Variants in AGAP1 observed in about 807,000 individuals in gnomAD.
AGAP1 encodes arf-GAP with GTPase, ANK repeat and PH domain-containing protein 1.
AGAP1 carries 29 observed loss-of-function variants against 105.3 expected under a neutral mutation model. The ratio of observed to expected loss-of-function variants is 0.28; its 90% CI spans 0.21 to 0.38. The LOEUF (loss-of-function observed/expected upper bound fraction) is 0.38, where lower values mean the gene tolerates loss of function less well. AGAP1 is among the 10% of genes least tolerant of loss of function. The pLI, the probability that AGAP1 is intolerant of heterozygous loss-of-function variation, is 1.00. For missense variants in AGAP1, 998 were observed against 1,165.1 expected (o/e 0.86, Z 2.09); for synonymous variants, 509 against 485.9 (o/e 1.05, Z -0.63).
At chr2:235,647,486 C>A (rs1056997440) in intron 1 of AGAP1, among the ~76,000 whole-genome samples, 1 of 152,116 alleles carries the variant, frequency 6.6e-6, no homozygotes, top group Non-Finnish European at 1.5e-5. Context: ...CTCCCAGGCT[C>A]AAGCGATCCT....
chr2:236,027,543 C>G lies in AGAP1; in HGVS notation c.1646-9018C>G, dbSNP rs934380387. The stretch of plus-strand genomic sequence containing the variant: ...GCCTCCCCCAGGGCAGACTGAGCCT[C>G]TCCCCTCCAGGTGTCCCAGATGTTT... On this transcript the variant is annotated intron_variant, in intron 13 of 17. Transcript: ENST00000304032. The surrounding 1 kb of genome is among the most constrained non-coding windows in gnomAD (Gnocchi z 4.4). 6.6e-6 allele frequency among the ~76,000 whole-genome samples: 1 copy of G among 152,178 alleles called. No homozygotes were observed. The highest frequency in any genetic ancestry group is 1.5e-5 in the Non-Finnish European group (1 of 68,036).
chr2:236,032,007 C>A (rs1426506861), intron 13 of AGAP1, among the ~76,000 whole-genome samples: 1 of 152,196 alleles, frequency 6.6e-6, no homozygotes, highest in Admixed American at 6.5e-5. Flanking sequence ...GAAGCAAAAT[C>A]TTCTCCCAAA....
intron 6 of AGAP1, among the ~76,000 whole-genome samples, chr2:235,766,054 C>T (rs1267474604): frequency 6.6e-6 from 1 of 152,166 alleles, no homozygotes; most frequent in Non-Finnish European, 1.5e-5. Context: ...CTTTTGGCTG[C>T]ACAGTTCGAT....
At chr2:235,704,908 A>G (rs537016340) in intron 1 of AGAP1, among the ~76,000 whole-genome samples, 4 of 145,566 alleles carry the variant, frequency 2.7e-5, no homozygotes, top group Admixed American at 6.9e-5. Context: ...GCACCTGTCT[A>G]GTTCTTGGGA....
In AGAP1 at chr2:236,014,060, C is replaced by G. The variant is rs1295412348; in HGVS notation, c.1646-22501C>G. Among the ~76,000 whole-genome samples the G allele has an allele frequency of 6.6e-6, 1 of 152,114 alleles. No homozygotes were observed. The highest frequency in any genetic ancestry group is 6.6e-5 in the Admixed American group (1 of 15,264). ...CACAGCCTGAGTGGTGGGCCTGCTG[C>G]GCCCTTGTTAAATTGGTTCTCTTCC... On this transcript the variant is annotated intron_variant, in intron 13 of 17. Coordinates refer to ENST00000304032, the MANE Select transcript of AGAP1 (RefSeq NM_001037131.3). This position sits in a 1 kb window ranked among gnomAD's most constrained non-coding sequence, Gnocchi z 6.3.
intron 15 of AGAP1, among the ~76,000 whole-genome samples, chr2:236,047,624 G>C (rs112464284): frequency 5.0e-5 from 5 of 100,722 alleles, no homozygotes; most frequent in Non-Finnish European, 7.0e-5. Flanking sequence ...TTTTTTTGAG[G>C]AGTCTCGTTC....
chr2:235,589,186 A>AT lies in AGAP1; in HGVS notation c.163+94339dup, dbSNP rs1559270688. 4.1e-3 allele frequency among the ~76,000 whole-genome samples: 145 copies of AT among 35,048 alleles called. 2 individuals carry two copies. The highest frequency in any genetic ancestry group is 7.0e-3 in the Non-Finnish European group (118 of 16,906). 23.0% of individuals were successfully genotyped at this position (35,048 alleles called of 152,430 possible). ...TTTGAGAACTACCAGTTAATAGCTT[A>AT]TTGTTTTGTTTTTTTTTTTTTTTTT... On this transcript the variant is annotated intron_variant, in intron 1 of 17. Transcript: ENST00000304032.
chr2:235,570,049 T>C lies in AGAP1; in HGVS notation c.163+75200T>C, dbSNP rs1122601. Among the ~76,000 whole-genome samples, 6 of 152,228 alleles carry C rather than the reference T, an allele frequency of 3.9e-5. 1 individual carries two copies. Among genetic ancestry groups the C allele is most frequent in the Admixed American group, 3.3e-4 (5 of 15,288 alleles). ...TTCTCTTTTTCTTTCCTTCTCTCTG[T>C]TTCTTTCAGTTTTGGTTTTTCTTTT... On this transcript the variant is annotated intron_variant, in intron 1 of 17. Transcript: ENST00000304032.
intron 9 of AGAP1, among the ~76,000 whole-genome samples, chr2:235,829,218 T>C (rs1385369717): frequency 6.6e-6 from 1 of 152,222 alleles, no homozygotes; most frequent in Non-Finnish European, 1.5e-5. Flanking sequence ...GCCCCTGGCC[T>C]TGTTGTTAGA....
At chr2:235,758,129 T>C (rs1954084895) in intron 6 of AGAP1, among the ~76,000 whole-genome samples, 1 of 151,042 alleles carries the variant, frequency 6.6e-6, no homozygotes, top group Non-Finnish European at 1.5e-5. Context: ...GGAACTAGTG[T>C]GTGTGTGCAT....
chr2:236,000,885 A>C lies in AGAP1; in HGVS notation c.1645+32262A>C, dbSNP rs1019819167. 2.0e-5 allele frequency among the ~76,000 whole-genome samples: 3 copies of C among 152,178 alleles called. No homozygotes were observed. Among genetic ancestry groups the C allele is most frequent in the African/African-American group, 7.2e-5 (3 of 41,452 alleles). The stretch of plus-strand genomic sequence containing the variant: ...GCTGATGAGAAAGGGCCTGTGTGGA[A>C]GGAACCAGGGCCAAGCGAGGGAGGC... On this transcript the variant is annotated intron_variant, in intron 13 of 17. Coordinates refer to ENST00000304032, the MANE Select transcript of AGAP1 (RefSeq NM_001037131.3). The surrounding 1 kb of genome is among the most constrained non-coding windows in gnomAD (Gnocchi z 4.3).
rs930194615 is a variant in AGAP1 at position 235,887,893 on chromosome 2, G to A, written c.1155+4444G>A. Among the ~76,000 whole-genome samples, 2 of 152,184 alleles carry A rather than the reference G, an allele frequency of 1.3e-5. No homozygotes were observed. Among genetic ancestry groups the A allele is most frequent in the Non-Finnish European group, 2.9e-5 (2 of 68,042 alleles). ...CTGACTTGAGAGCGCCAGGCTTGCA[G>A]TTGTATTAAACGTGGAAGATTCAGA... On this transcript the variant is annotated intron_variant, in intron 10 of 17. Transcript: ENST00000304032. The surrounding 1 kb of genome is among the most constrained non-coding windows in gnomAD (Gnocchi z 4.1).
At chr2:235,731,067 T>C (rs1951921424) in intron 3 of AGAP1, among the ~76,000 whole-genome samples, 1 of 152,204 alleles carries the variant, frequency 6.6e-6, no homozygotes, top group Admixed American at 6.5e-5. Context: ...AGAGACCTTG[T>C]CTTGTTCACC....
chr2:235,884,352 T>C (rs1415531201), intron 10 of AGAP1, among the ~76,000 whole-genome samples: 4 of 152,206 alleles, frequency 2.6e-5, no homozygotes, highest in African/African-American at 7.2e-5. Context: ...TCTAGATTAC[T>C]TATAATATGT....
chr2:235,923,914 G>A (rs2052316564), intron 11 of AGAP1, among the ~76,000 whole-genome samples: 1 of 152,218 alleles, frequency 6.6e-6, no homozygotes, highest in African/African-American at 2.4e-5. Context: ...AATGTTTTAT[G>A]AAAGCTTTGC....
intron 7 of AGAP1, among the ~76,000 whole-genome samples, chr2:235,798,509 G>A (rs1957345282): frequency 1.3e-5 from 2 of 152,084 alleles, no homozygotes; most frequent in Admixed American, 1.3e-4. Flanking sequence ...AGGGTTCGGT[G>A]TCGTACTTTC....
intron 1 of AGAP1, among the ~76,000 whole-genome samples, chr2:235,565,318 A>G (rs979933227): frequency 2.0e-5 from 3 of 152,130 alleles, no homozygotes; most frequent in Admixed American, 6.5e-5. Flanking sequence ...GCCACATGAC[A>G]CTCTTTGTCC....
chr2:235,828,916 G>A (rs942110163), intron 9 of AGAP1, among the ~76,000 whole-genome samples: 6 of 152,352 alleles, frequency 3.9e-5, no homozygotes, highest in African/African-American at 1.4e-4. Context: ...GTAAGACACA[G>A]CTCTCAGACG....
chr2:235,839,504 C>T (rs1040757180), intron 9 of AGAP1, among the ~76,000 whole-genome samples: 5 of 134,554 alleles, frequency 3.7e-5, no homozygotes, highest in South Asian at 2.1e-4. Flanking sequence ...CTCAGCACTT[C>T]GGGAGGCCAG....
Sources: allele counts gnomAD v4.1 joint callset (sites outside exome capture counted in the v4.1 genomes callset), GRCh38; gene constraint gnomAD v4.1.1; non-coding constraint Gnocchi (gnomAD v3.1); transcripts MANE v1.5; gene names NCBI Gene and HGNC (gene_info 2026-07-23, HGNC 2026-07-21).